Variants in ZNF423 observed in about 807,000 individuals in gnomAD.
ZNF423 encodes zinc finger protein 423.
Under a neutral mutation model 95.8 loss-of-function variants are expected in ZNF423, and 12 were observed. The ratio of observed to expected loss-of-function variants is 0.13; its 90% CI spans 0.08 to 0.20. The LOEUF is 0.20. Among genes scored for constraint, ZNF423 ranks in the 10% least tolerant of loss-of-function variants. The pLI, the probability that ZNF423 is intolerant of heterozygous loss-of-function variation, is 1.00. For synonymous variants in ZNF423, 749 were observed against 711.9 expected, an observed-to-expected ratio of 1.05 and a Z score of -0.83; for missense variants, 1,316 against 1,737.1, an observed-to-expected ratio of 0.76 and a Z score of 4.31.
At chr16:49,842,295 AGGGGAGGGGAGGCG>A (rs2035192700) in intron 1 of ZNF423, among the ~76,000 whole-genome samples, 4 of 20,936 alleles carry the variant, frequency 1.9e-4, no homozygotes, top group African/African-American at 5.6e-4. Context: ...AGGGGAGGGG[AGGGGAGGGGAGGCG>A]AGGGAAGGGA....
At chr16:49,608,009 A>G (rs1971593475) in intron 5 of ZNF423, among the ~76,000 whole-genome samples, 1 of 151,908 alleles carries the variant, frequency 6.6e-6, no homozygotes, top group South Asian at 2.1e-4. Context: ...TCATTCTACC[A>G]CCCCATATCT....
chr16:49,538,050 G>C (rs1390386139), intron 5 of ZNF423, among the ~76,000 whole-genome samples: 1 of 152,192 alleles, frequency 6.6e-6, no homozygotes, highest in Non-Finnish European at 1.5e-5. Context: ...CTAAGGTCTG[G>C]GCTGATCCCA....
chr16:49,749,834 TC>T (rs2033599894), intron 2 of ZNF423, among the ~76,000 whole-genome samples: 1 of 152,180 alleles, frequency 6.6e-6, no homozygotes, highest in South Asian at 2.1e-4. Context: ...AGAAAAGGTT[TC>T]CTCGCTTTGC....
chr16:49,594,659 A>G (rs1345088573), intron 5 of ZNF423, among the ~76,000 whole-genome samples: 2 of 152,214 alleles, frequency 1.3e-5, no homozygotes, highest in African/African-American at 4.8e-5. Flanking sequence ...GAAGCATCCA[A>G]TGTGTTAGCC....
chr16:49,753,963 G>C (rs567035498), intron 2 of ZNF423, among the ~76,000 whole-genome samples: 13 of 150,544 alleles, frequency 8.6e-5, no homozygotes, highest in African/African-American at 3.2e-4. Context: ...CACGGGAGGA[G>C]AAGGGTGCAG....
intron 7 of ZNF423, among the ~76,000 whole-genome samples, chr16:49,506,205 G>A (rs1967629445): frequency 6.6e-6 from 1 of 152,216 alleles, no homozygotes; most frequent in South Asian, 2.1e-4. Context: ...CAATACTGGA[G>A]GGTGATGATG....
At chr16:49,697,893 G>C (rs2032032530) in intron 3 of ZNF423, among the ~76,000 whole-genome samples, 2 of 152,242 alleles carry the variant, frequency 1.3e-5, no homozygotes, top group Non-Finnish European at 2.9e-5. Context: ...GCCTTTCAAG[G>C]GACAAAAGGC....
Position 49,637,883 on chromosome 16 carries a change from G to C in ZNF423, c.1293C>G (p.Ala431=), listed in dbSNP as rs746289192. ...YCSKRDFNSL[A]VLEIHLKTIH... Reference sequence around the variant, plus strand: ...TGGTCTTCAGGTGGATCTCCAGCACGGCCAGGCTGTTAAAGTCCCGCTTGG... The same window carrying C: ...TGGTCTTCAGGTGGATCTCCAGCACCGCCAGGCTGTTAAAGTCCCGCTTGG... Residue 431 remains alanine (A), a synonymous_variant, in exon 4 of 8, where the codon GCC becomes GCG. Transcript: ENST00000563137. This position sits in a 1 kb window ranked among gnomAD's most constrained non-coding sequence, Gnocchi z 5.6. 3.1e-6 allele frequency: 5 copies of C among 1,614,040 alleles called. No homozygotes were observed. The highest frequency in any genetic ancestry group is 3.3e-5 in the Admixed American group (2 of 60,000).
At position 49,626,273 on chromosome 16, in the gene ZNF423, T is replaced by A; in HGVS notation, c.3517-19A>T. 6.2e-7 allele frequency: 1 copy of A among 1,612,520 alleles called. No homozygotes were observed. The highest frequency in any genetic ancestry group is 8.5e-7 in the Non-Finnish European group (1 of 1,178,876). ...TCTTTTTCTGTTTGGAAACCAAAAA[T>A]AAAAGATTTAGAGAGGCAGGAGGTA... On this transcript the variant is annotated intron_variant, in intron 4 of 7. Coordinates refer to ENST00000563137, the MANE Select transcript of ZNF423 (RefSeq NM_001379286.1).
intron 3 of ZNF423, among the ~76,000 whole-genome samples, chr16:49,722,164 G>T (rs1193671590): frequency 6.6e-6 from 1 of 152,138 alleles, no homozygotes; most frequent in African/African-American, 2.4e-5. Context: ...TACTCCGGAT[G>T]GTTCCCCATC....
chr16:49,679,855 G>T (rs2031276604), intron 3 of ZNF423, among the ~76,000 whole-genome samples: 1 of 152,180 alleles, frequency 6.6e-6, no homozygotes, highest in Non-Finnish European at 1.5e-5. Context: ...GCTGTTTCTG[G>T]GACCACCCAA....
rs72202996 is a variant in ZNF423, at chr16:49,502,790, GACAC to G, written c.3850-11490_3850-11487del. 1.4e-3 allele frequency among the ~76,000 whole-genome samples: 195 copies of G among 135,332 alleles called. 2 individuals carry two copies. The highest frequency in any genetic ancestry group is 5.0e-3 in the South Asian group (21 of 4,242). 88.8% of individuals were successfully genotyped at this position (135,332 alleles called of 152,430 possible). On this transcript the variant is annotated intron_variant, in intron 7 of 7. Transcript: ENST00000563137. The stretch of plus-strand genomic sequence containing the variant: ...TGCATGCACACACACAAATACTCTA[GACAC>G]ACACACACACACACACACACACACC...
intron 5 of ZNF423, among the ~76,000 whole-genome samples, chr16:49,624,910 T>C (rs1482078534): frequency 6.6e-6 from 1 of 152,244 alleles, no homozygotes; most frequent in Non-Finnish European, 1.5e-5. Flanking sequence ...TGTTTCTTGA[T>C]CTGTGTGTGG....
intron 4 of ZNF423, among the ~76,000 whole-genome samples, chr16:49,632,019 C>T (rs991595037): frequency 1.3e-5 from 2 of 152,110 alleles, no homozygotes; most frequent in Admixed American, 1.3e-4. Context: ...CTGGATAGGC[C>T]CTCTAACCTT....
chr16:49,543,653 G>T (rs1291631071), intron 5 of ZNF423, among the ~76,000 whole-genome samples: 1 of 152,202 alleles, frequency 6.6e-6, no homozygotes, highest in Non-Finnish European at 1.5e-5. Context: ...GGTGGGCGGG[G>T]GCAGCGTGGA....
At chr16:49,521,114 C>T (rs957899242) in intron 7 of ZNF423, among the ~76,000 whole-genome samples, 2 of 152,260 alleles carry the variant, frequency 1.3e-5, no homozygotes, top group South Asian at 2.1e-4. Flanking sequence ...GCAGCAGCCT[C>T]CCTCCACCTC....
At chr16:49,854,965 G>A in intron 1 of ZNF423, 2 of 984,848 alleles carry the variant, frequency 2.0e-6, no homozygotes, top group African/African-American at 1.7e-5. Context: ...GGTCAGATCC[G>A]GGGCGCCCTC....
intron 3 of ZNF423, among the ~76,000 whole-genome samples, chr16:49,681,331 C>T (rs1170759659): frequency 1.3e-5 from 2 of 152,182 alleles, no homozygotes; most frequent in African/African-American, 4.8e-5. Flanking sequence ...GTCTAAATAA[C>T]AAAATGAAAC....
chr16:49,834,457 G>C (rs902193721), intron 1 of ZNF423, among the ~76,000 whole-genome samples: 4 of 152,164 alleles, frequency 2.6e-5, no homozygotes, highest in African/African-American at 4.8e-5. Flanking sequence ...GCAGACAAAG[G>C]ATTTGACCCC....
Sources: gnomAD v4.1 joint callset for allele counts (sites outside exome capture counted in the v4.1 genomes callset) on GRCh38, gnomAD v4.1.1 for gene constraint, Gnocchi (gnomAD v3.1) non-coding constraint, MANE v1.5 for transcripts, NCBI Gene and HGNC (gene_info 2026-07-23, HGNC 2026-07-21) for gene names.